HMGCLL1: variants seen among roughly 807,000 people sequenced by gnomAD.
HMGCLL1 encodes the protein 3-hydroxymethyl-3-methylglutaryl-CoA lyase, cytoplasmic.
HMGCLL1 carries 36 observed loss-of-function variants against 39.1 expected under a neutral mutation model. The observed-to-expected ratio is 0.92, with a 90% CI of 0.71 to 1.22. HMGCLL1 has a LOEUF of 1.22. Among genes scored for constraint, HMGCLL1 ranks in the 50% most tolerant of loss-of-function variants. The probability of loss-of-function intolerance (pLI) is 0.00; values close to 1 mark genes in which losing one functional copy is unlikely to be tolerated. For missense variants in HMGCLL1, 451 were observed against 416.5 expected (o/e 1.08, Z -0.72); for synonymous variants, 149 against 144.0 (o/e 1.03, Z -0.25).
At chr6:55,534,782 C>T (rs9370436) in intron 3 of HMGCLL1, among the ~76,000 whole-genome samples, 7,198 of 152,260 alleles carry the variant, frequency 0.047, 243 homozygotes, top group East Asian at 0.19. Context: ...TGTTTTAAGC[C>T]ATTAAATTTA....
the HMGCLL1 span, among the ~76,000 whole-genome samples, chr6:55,604,988 T>C: frequency 6.6e-6 from 1 of 152,222 alleles, no homozygotes. Flanking sequence ...TTTGTTGCTA[T>C]TTAAAATCAT....
intron 7 of HMGCLL1, among the ~76,000 whole-genome samples, chr6:55,441,710 A>G (rs1228655639): frequency 1.3e-5 from 2 of 151,660 alleles, no homozygotes; most frequent in African/African-American, 4.8e-5. Flanking sequence ...TGTTTTTTTG[A>G]GATGGAGTCT....
chr6:55,630,575 A>T, the HMGCLL1 span, among the ~76,000 whole-genome samples: 1 of 152,070 alleles, frequency 6.6e-6, no homozygotes, highest in Non-Finnish European at 1.5e-5. Flanking sequence ...GGGTGAAATG[A>T]TATAATTTGG....
At chr6:55,515,406 T>C (rs1767685022) in intron 4 of HMGCLL1, among the ~76,000 whole-genome samples, 1 of 152,204 alleles carries the variant, frequency 6.6e-6, no homozygotes, top group African/African-American at 2.4e-5. Context: ...ATCTACTATT[T>C]GTCTGTACTG....
intron 1 of HMGCLL1, among the ~76,000 whole-genome samples, chr6:55,557,401 C>T (rs767282791): frequency 1.6e-4 from 25 of 152,066 alleles, no homozygotes; most frequent in Non-Finnish European, 3.4e-4. Context: ...CAGTGCTTGC[C>T]ATCAGCAACC....
chr6:55,438,347 C>T, intron 8 of HMGCLL1, among the ~76,000 whole-genome samples: 1 of 152,044 alleles, frequency 6.6e-6, no homozygotes, highest in South Asian at 2.1e-4. Context: ...ATGCCACAGG[C>T]ACCAAGTATA....
chr6:55,578,738 G>C (rs996098083), intron 1 of HMGCLL1, among the ~76,000 whole-genome samples: 22 of 152,244 alleles, frequency 1.4e-4, no homozygotes, highest in African/African-American at 4.8e-4. Flanking sequence ...TGCAGGGTCT[G>C]ATCTGTAGAG....
the HMGCLL1 span, among the ~76,000 whole-genome samples, chr6:55,647,677 A>C: frequency 1.3e-3 from 202 of 150,354 alleles, no homozygotes; most frequent in African/African-American, 4.5e-3. Context: ...ACTAATAAAA[A>C]TTCTACACTT....
chr6:55,559,490 T>C (rs1408742487), intron 1 of HMGCLL1, among the ~76,000 whole-genome samples: 1 of 152,106 alleles, frequency 6.6e-6, no homozygotes, highest in Non-Finnish European at 1.5e-5. Context: ...CTGAGTGAAG[T>C]GGTAGGAAGT....
At chr6:55,630,522 A>T in the HMGCLL1 span, among the ~76,000 whole-genome samples, 57 of 152,144 alleles carry the variant, frequency 3.7e-4, no homozygotes, top group Non-Finnish European at 5.1e-4. Flanking sequence ...GGAAGGCATG[A>T]TTGGTTTTAA....
At chr6:55,562,099 T>C (rs559528428) in intron 1 of HMGCLL1, among the ~76,000 whole-genome samples, 4 of 151,964 alleles carry the variant, frequency 2.6e-5, no homozygotes, top group Non-Finnish European at 5.9e-5. Flanking sequence ...TAATGTAGTT[T>C]ATATATTTTC....
At chr6:55,589,966 G>T in the HMGCLL1 span, among the ~76,000 whole-genome samples, 1 of 152,058 alleles carries the variant, frequency 6.6e-6, no homozygotes, top group Admixed American at 6.6e-5. Context: ...TCGTGAAAAT[G>T]GCCATACTGC....
intron 1 of HMGCLL1, chr6:55,566,659 T>C (rs972724879): frequency 8.8e-6 from 4 of 455,636 alleles, no homozygotes; most frequent in Non-Finnish European, 1.8e-5. Flanking sequence ...AACATGCATA[T>C]TGTGCACTGT....
At chr6:55,455,819 C>T (rs1581799515) in intron 7 of HMGCLL1, among the ~76,000 whole-genome samples, 1 of 152,164 alleles carries the variant, frequency 6.6e-6, no homozygotes, top group Admixed American at 6.5e-5. Flanking sequence ...ATCCCTTCTA[C>T]TGTTAGTGAA....
intron 1 of HMGCLL1, among the ~76,000 whole-genome samples, chr6:55,577,639 G>C (rs1289631660): frequency 6.6e-6 from 1 of 152,078 alleles, no homozygotes; most frequent in Non-Finnish European, 1.5e-5. Flanking sequence ...AGAAAATAAA[G>C]AGGGAGAGAG....
intron 1 of HMGCLL1, 34 bp downstream of exon 1, chr6:55,578,914 G>A (rs767561610): frequency 1.0e-5 from 15 of 1,482,356 alleles, no homozygotes; most frequent in Non-Finnish European, 1.4e-5. Flanking sequence ...GTGTGCGCAT[G>A]AGGGTGGGGA....
At chr6:55,564,595 T>C (rs966932152) in intron 1 of HMGCLL1, among the ~76,000 whole-genome samples, 13 of 152,136 alleles carry the variant, frequency 8.5e-5, no homozygotes, top group Admixed American at 2.6e-4. Context: ...CCAACAGAAG[T>C]TATCCAAGAA....
At chr6:55,668,952 G>C in the HMGCLL1 span, among the ~76,000 whole-genome samples, 100 of 151,662 alleles carry the variant, frequency 6.6e-4, no homozygotes, top group Middle Eastern at 0.014. Flanking sequence ...TCTTCAAAAG[G>C]GTGAGGACTA....
chr6:55,475,414 C>A (rs925710689), intron 7 of HMGCLL1, among the ~76,000 whole-genome samples: 1 of 151,500 alleles, frequency 6.6e-6, no homozygotes, highest in African/African-American at 2.4e-5. Context: ...AGCAATTTGT[C>A]AAAATTAGGC....
Sources: allele counts gnomAD v4.1 joint callset (sites outside exome capture counted in the v4.1 genomes callset), GRCh38; gene constraint gnomAD v4.1.1; transcripts MANE v1.5; gene names NCBI Gene and HGNC (gene_info 2026-07-23, HGNC 2026-07-21).